EPPK1: variants seen among roughly 807,000 people sequenced by gnomAD.
EPPK1 encodes epiplakin 1.
For missense variants in EPPK1, 3,823 were observed against 3,673.3 expected (o/e 1.04, Z -1.05); for synonymous variants, 1,862 against 1,721.2 (o/e 1.08, Z -2.03).
In EPPK1 at chr8:143,872,977, G is replaced by T; in HGVS notation, c.277C>A (p.Leu93Ile). 1 of 1,591,190 alleles carries T rather than the reference G, an allele frequency of 6.3e-7. No individual in the cohort carries two copies. Among genetic ancestry groups the T allele is most frequent in the Non-Finnish European group, 8.6e-7 (1 of 1,168,092 alleles). ...TGCTGCAGGGCCTTGGACACAGGGA[G>T]CAGCTGGCCCCGGGCGAGGTCCACC... is the stretch of plus-strand genomic sequence containing the variant. ...GLVDLARGQL[L>I]PVSKALQQGL... Residue 93 changes from leucine to isoleucine, a missense_variant, in exon 2 of 2, where the codon CTC (leucine) becomes ATC (isoleucine). Leu to Ile is a conservative substitution (Grantham distance 5). Transcript: ENST00000615648.
In EPPK1 at chr8:143,865,411, C is replaced by T. The variant is rs1482598819; in HGVS notation, c.7843G>A (p.Gly2615Ser). The change falls in exon 2 of 2, where the codon GGC becomes AGC. Residue 2615 changes from glycine (G) to serine (S), a missense_variant. By Grantham distance (56) the Gly-to-Ser change is moderately conservative. Transcript: ENST00000615648. Reference sequence around the variant, plus strand: ...TCCTGGGTCTCGCCCTCCCCCTGGCCCTCTCGCTGGGAGCGCCCCGAGTCG... The same window carrying T: ...TCCTGGGTCTCGCCCTCCCCCTGGCTCTCTCGCTGGGAGCGCCCCGAGTCG... Reference protein sequence around the residue: ...DGDSGRSQREGQGEGETQEAA... With the variant: ...DGDSGRSQRESQGEGETQEAA... 1,713 of 285,514 alleles carry T rather than the reference C, an allele frequency of 6.0e-3. 4 individuals carry two copies. The highest frequency in any genetic ancestry group is 7.0e-3 in the Non-Finnish European group (1,283 of 183,124). 17.7% of individuals were successfully genotyped at this position (285,514 alleles called of 1,614,324 possible). A position where few individuals can be genotyped will look rare whatever the true frequency, so the allele number is the denominator to read the frequency against.
chr8:143,867,370 C>CT lies in EPPK1; in HGVS notation c.5883_5884insA (p.Glu1962ArgfsTer11), dbSNP rs1563880275. On this transcript the variant is annotated frameshift_variant, in exon 2 of 2. Coordinates refer to ENST00000615648, the MANE Select transcript of EPPK1 (RefSeq NM_031308.4). LOFTEE classifies it low-confidence loss of function (END_TRUNC). The stretch of plus-strand genomic sequence containing the variant: ...TTCAGGAGCCTCTCCCGCAGCTCCT[C>CT]GTTCACCAGGCCCACATCCACAGCC... 1 of 1,612,926 alleles carries CT rather than the reference C, an allele frequency of 6.2e-7. No homozygotes were observed. The highest frequency in any genetic ancestry group is 1.7e-5 in the Admixed American group (1 of 60,020).
chr8:143,878,404 G>GCCGCACCCGCCGCACCTGC (rs1819528702), intron 1 of EPPK1, 34 bp downstream of exon 1: 8 of 67,458 alleles, frequency 1.2e-4, no homozygotes, highest in Non-Finnish European at 1.6e-4. Flanking sequence ...GCCCGCACCC[G>GCCGCACCCGCCGCACCTGC]CCGCACCCGC....
rs1819307744 is a variant in EPPK1, at chr8:143,870,525, G to A, written c.2729C>T (p.Thr910Ile). ...QQLLDQVLAG[T>I]ISPEALLLMD... ...GAGTAGGAGGGCCTCCGGGCTGATT[G>A]TCCCGGCCAGCACTTGGTCCAACAG... The change falls in exon 2 of 2, where the codon ACA (threonine) becomes ATA (isoleucine). Residue 910 changes from threonine (T) to isoleucine (I), a missense_variant. Physicochemically the swap from Thr to Ile is moderately conservative, Grantham distance 89. Transcript: ENST00000615648. This position sits in a 1 kb window ranked among gnomAD's most constrained non-coding sequence, Gnocchi z 5.2. The A allele has an allele frequency of 3.1e-6, 5 of 1,610,120 alleles. No individual in the cohort carries two copies. Among genetic ancestry groups the A allele is most frequent in the Non-Finnish European group, 4.2e-6 (5 of 1,178,372 alleles).
chr8:143,866,918 C>G lies in EPPK1; in HGVS notation c.6336G>C (p.Val2112=), dbSNP rs1819138407. 1 of 1,613,044 alleles carries G rather than the reference C, an allele frequency of 6.2e-7. No homozygotes were observed. Among genetic ancestry groups the G allele is most frequent in the Non-Finnish European group, 8.5e-7 (1 of 1,179,878 alleles). Residue 2112 remains valine, a synonymous_variant, in exon 2 of 2, where the codon GTG becomes GTC. Transcript: ENST00000615648. ...TTGGTTTCTGGCCTCTGAACCTTCCCACTGTGATTTCCACTTGCTCTGCCT... is the reference window on the plus strand; with the variant it reads ...TTGGTTTCTGGCCTCTGAACCTTCCGACTGTGATTTCCACTTGCTCTGCCT... ...ALEAEQVEIT[V]GRFRGQKPTL... is the part of the protein sequence containing the mutation.
At chr8:143,878,796 G>A (rs1554662779), upstream of EPPK1, among the ~76,000 whole-genome samples, 2 of 151,944 alleles carry the variant, frequency 1.3e-5, no homozygotes, top group African/African-American at 2.4e-5. Flanking sequence ...ATCCCCACAA[G>A]CCACTAATGC....
chr8:143,874,915 C>G (rs535599981), intron 1 of EPPK1, among the ~76,000 whole-genome samples: 1 of 152,168 alleles, frequency 6.6e-6, no homozygotes, highest in African/African-American at 2.4e-5. Context: ...CCACCACCCC[C>G]GGCTGCCAAA....
Position 143,867,478 on chromosome 8 carries a change from A to C in EPPK1, c.5776T>G (p.Phe1926Val). 1 of 1,612,540 alleles carries C rather than the reference A, an allele frequency of 6.2e-7. No homozygotes were observed. The highest frequency in any genetic ancestry group is 1.1e-5 in the South Asian group (1 of 91,078). Reference protein sequence around the residue: ...ASRKELIPAAFATWLLEAQAA... With the variant: ...ASRKELIPAAVATWLLEAQAA... The stretch of plus-strand genomic sequence containing the variant: ...TGCGCCTCCAGCAGCCAAGTCGCAA[A>C]TGCTGCAGGGATGAGCTCCTTCCTG... The change falls in exon 2 of 2, where the codon TTT becomes GTT. Residue 1926 changes from phenylalanine to valine, a missense_variant. Transcript: ENST00000615648.
Position 143,871,603 on chromosome 8 carries a change from G to A in EPPK1, c.1651C>T (p.Gln551Ter). The stretch of plus-strand genomic sequence containing the variant: ...GTGACCCTGGCAGTGGCTGCAGCCT[G>A]CTCGAGGGTGGCGCTCAGCTTAGCG... ...LAAKLSATLE[Q>*]AAATARVTFS... Residue 551 changes from glutamine to a stop codon, truncating the protein, a stop_gained, in exon 2 of 2, where the codon CAG becomes TAG. Coordinates refer to ENST00000615648, the MANE Select transcript of EPPK1 (RefSeq NM_031308.4). LOFTEE classifies it low-confidence loss of function (END_TRUNC). The A allele has an allele frequency of 6.2e-7, 1 of 1,607,898 alleles. No individual in the cohort carries two copies. The highest frequency in any genetic ancestry group is 8.5e-7 in the Non-Finnish European group (1 of 1,178,302).
Position 143,872,175 on chromosome 8 carries a change from T to G in EPPK1, c.1079A>C (p.Glu360Ala). Residue 360 changes from glutamate (E) to alanine (A), a missense_variant, in exon 2 of 2, where the codon GAG (glutamate) becomes GCG (alanine). Transcript: ENST00000615648. ...GTCGTGGTGCCCTGTCACGGCCTGC[T>G]CGGCCACCAGGAGCTGCTCATGGAG... ...PELHEQLLVAEQAVTGHHDPF... is the reference protein window; with the variant it reads ...PELHEQLLVAAQAVTGHHDPF... The G allele has an allele frequency of 6.3e-7, 1 of 1,592,740 alleles. No individual in the cohort carries two copies.
chr8:143,871,103 G>A lies in EPPK1; in HGVS notation c.2151C>T (p.Ile717=). The A allele has an allele frequency of 6.2e-7, 1 of 1,613,160 alleles. No homozygotes were observed. The highest frequency in any genetic ancestry group is 1.1e-5 in the South Asian group (1 of 91,084). Residue 717 remains isoleucine, a synonymous_variant, in exon 2 of 2, where the codon ATC becomes ATT. Transcript: ENST00000615648. ...TGGCGATCTGGGCCTCCAGCAGGCG[G>A]ATGCCGTGCTCCCGGACGATGAGGC... ...QKGLIVREHG[I]RLLEAQIATG...
chr8:143,869,870 G>A lies in EPPK1; in HGVS notation c.3384C>T (p.Val1128=). 6.2e-7 allele frequency: 1 copy of A among 1,604,918 alleles called. No individual in the cohort carries two copies. The highest frequency in any genetic ancestry group is 1.1e-5 in the South Asian group (1 of 89,438). ...CCGGCACGGCCTGCAGGCTCCTCTGGACCTGCTCCTCGGTGGGGAGGGCAG... is the reference window on the plus strand; with the variant it reads ...CCGGCACGGCCTGCAGGCTCCTCTGAACCTGCTCCTCGGTGGGGAGGGCAG... The part of the protein sequence containing the change: ...SAPALPTEEQ[V]QRSLQAVPGA... Residue 1128 remains valine (V), a synonymous_variant, in exon 2 of 2, where the codon GTC becomes GTT. Transcript: ENST00000615648.
rs2130616201 is a variant in EPPK1, at chr8:143,866,236, C to T, written c.7018G>A (p.Glu2340Lys). The T allele has an allele frequency of 2.2e-6, 1 of 464,942 alleles. No homozygotes were observed. The highest frequency in any genetic ancestry group is 6.3e-5 in the African/African-American group (1 of 15,812). The allele number at this position is 464,942 out of a possible 1,614,324, so 28.8% of individuals were successfully genotyped here. A position where few individuals can be genotyped will look rare whatever the true frequency, so the allele number is the denominator to read the frequency against. ...IVREHGIRLL[E>K]AQIATGGVID... ...ACGCCGCCCGTGGCGATCTGGGCCTCCAGCAGGCGGATGCCGTGCTCCCGG... is the reference window on the plus strand; with the variant it reads ...ACGCCGCCCGTGGCGATCTGGGCCTTCAGCAGGCGGATGCCGTGCTCCCGG... Residue 2340 changes from glutamate to lysine, a missense_variant, in exon 2 of 2, where the codon GAG becomes AAG. Physicochemically the swap from Glu to Lys is moderately conservative, Grantham distance 56. Coordinates refer to ENST00000615648, the MANE Select transcript of EPPK1 (RefSeq NM_031308.4).
chr8:143,858,125 G>A lies in EPPK1; in HGVS notation c.15129C>T (p.Val5043=), dbSNP rs1554657998. Residue 5043 remains valine, a synonymous_variant, in exon 2 of 2, where the codon GTC becomes GTT. Coordinates refer to ENST00000615648, the MANE Select transcript of EPPK1 (RefSeq NM_031308.4). ...RGYFDEEMNR[V]LADPSDDTKG... is the part of the protein sequence containing the mutation. Reference sequence around the variant, plus strand: ...TGGTGTCGTCGCTGGGGTCGGCCAGGACGCGGTTCATCTCCTCGTCGAAGT... The same window carrying A: ...TGGTGTCGTCGCTGGGGTCGGCCAGAACGCGGTTCATCTCCTCGTCGAAGT... The A allele has an allele frequency of 6.2e-7, 1 of 1,613,274 alleles. No homozygotes were observed. Among genetic ancestry groups the A allele is most frequent in the African/African-American group, 1.3e-5 (1 of 74,952 alleles).
chr8:143,876,324 C>T (rs1267186458), intron 1 of EPPK1, among the ~76,000 whole-genome samples: 3 of 152,202 alleles, frequency 2.0e-5, no homozygotes, highest in African/African-American at 7.2e-5. Context: ...CAGGCGCGCC[C>T]GGGTTGAGGG....
rs782110979 is a variant in EPPK1 at position 143,872,531 on chromosome 8, C to T, written c.723G>A (p.Ala241=). The part of the protein sequence containing the change: ...LKITFRSMGG[A]VSAAELLEVG... ...CCTCCAGCAGCTCAGCTGCACTCAC[C>T]GCCCCGCCCATGGAGCGGAAGGTGA... Residue 241 remains alanine (A), a synonymous_variant, in exon 2 of 2, where the codon GCG becomes GCA. Transcript: ENST00000615648. 50 of 1,601,592 alleles carry T rather than the reference C, an allele frequency of 3.1e-5. No homozygotes were observed. Among genetic ancestry groups the T allele is most frequent in the African/African-American group, 2.8e-4 (21 of 74,766 alleles).
rs2130638196 is a variant in EPPK1 at position 143,869,918 on chromosome 8, G to A, written c.3336C>T (p.Leu1112=). ...CPRDETSGLH[L]LPLPESAPAL... ...CAGGAGCACTTTCTGGCAGGGGCAG[G>A]AGGTGAAGGCCAGAAGTCTCATCCC... The change falls in exon 2 of 2, where the codon CTC becomes CTT. Residue 1112 remains leucine (L), a synonymous_variant. Transcript: ENST00000615648. The A allele has an allele frequency of 6.2e-7, 1 of 1,609,488 alleles. No individual in the cohort carries two copies. Among genetic ancestry groups the A allele is most frequent in the East Asian group, 2.2e-5 (1 of 44,832 alleles).
rs1819313250 is a variant in EPPK1 at position 143,870,667 on chromosome 8, G to A, written c.2587C>T (p.Gln863Ter). 1 of 1,607,830 alleles carries A rather than the reference G, an allele frequency of 6.2e-7. No homozygotes were observed. Among genetic ancestry groups the A allele is most frequent in the African/African-American group, 1.3e-5 (1 of 74,732 alleles). Residue 863 changes from glutamine (Q) to a stop codon, truncating the protein, a stop_gained, in exon 2 of 2, where the codon CAG (glutamine) becomes TAG (stop). Coordinates refer to ENST00000615648, the MANE Select transcript of EPPK1 (RefSeq NM_031308.4). LOFTEE classifies it low-confidence loss of function (END_TRUNC). This position sits in a 1 kb window ranked among gnomAD's most constrained non-coding sequence, Gnocchi z 5.2. ...RYRQREVTLGQVAKLLEAETQ... is the reference protein window; with the variant it reads ...RYRQREVTLG ...TCCGCCTCCAGCAGCTTTGCCACCT[G>A]CCCCAGCGTGACCTCGCGCTGCCGG...
At chr8:143,876,400 C>A (rs1031732632) in intron 1 of EPPK1, among the ~76,000 whole-genome samples, 1 of 152,208 alleles carries the variant, frequency 6.6e-6, no homozygotes, top group Non-Finnish European at 1.5e-5. Context: ...CTTGTTTCTG[C>A]ACTTCCCCAG....
Sources: gnomAD v4.1 joint callset for allele counts (sites outside exome capture counted in the v4.1 genomes callset) on GRCh38, gnomAD v4.1.1 for gene constraint, Gnocchi (gnomAD v3.1) non-coding constraint, MANE v1.5 for transcripts, NCBI Gene and HGNC (gene_info 2026-07-23, HGNC 2026-07-21) for gene names.